TENM2: variants seen among roughly 807,000 people sequenced by gnomAD.
TENM2 encodes teneurin transmembrane protein 2.
TENM2 carries 52 observed loss-of-function variants against 245.2 expected under a neutral mutation model. That is an observed-to-expected ratio of 0.21 (90% CI 0.17 to 0.27). The LOEUF is 0.27. Ranked by LOEUF, TENM2 falls within the 10% of genes least tolerant of loss-of-function variation. The pLI is 1.00. For synonymous variants in TENM2, 1,363 were observed against 1,438.9 expected, an observed-to-expected ratio of 0.95 and a Z score of 1.19; for missense variants, 3,046 against 3,666.8, an observed-to-expected ratio of 0.83 and a Z score of 4.37.
At chr5:167,214,737 G>A in the TENM2 span, among the ~76,000 whole-genome samples, 75 of 152,274 alleles carry the variant, frequency 4.9e-4, no homozygotes, top group African/African-American at 1.6e-3. Flanking sequence ...TTGGAGCAGA[G>A]GAGGAAGACT....
intron 2 of TENM2, among the ~76,000 whole-genome samples, chr5:167,739,150 G>T (rs952938253): frequency 6.6e-5 from 10 of 152,194 alleles, no homozygotes; most frequent in Non-Finnish European, 1.5e-4. Flanking sequence ...AAAAGGACAG[G>T]GTGGCTTTGC....
chr5:167,610,632 G>A (rs535988104), intron 2 of TENM2, among the ~76,000 whole-genome samples: 1 of 152,252 alleles, frequency 6.6e-6, no homozygotes, highest in African/African-American at 2.4e-5. Flanking sequence ...ACTCTTCCAA[G>A]TACTATAATA....
intron 2 of TENM2, among the ~76,000 whole-genome samples, chr5:167,857,346 G>A (rs957736026): frequency 2.0e-5 from 3 of 152,098 alleles, no homozygotes; most frequent in Non-Finnish European, 4.4e-5. Flanking sequence ...TTGCTACAAC[G>A]TCCTTTACCT....
At chr5:168,214,462 T>C (rs1470953499) in intron 20 of TENM2, among the ~76,000 whole-genome samples, 2 of 152,214 alleles carry the variant, frequency 1.3e-5, no homozygotes, top group African/African-American at 4.8e-5. Flanking sequence ...TTCTTTACAC[T>C]AAATGCCAAC....
At chr5:167,763,682 A>T (rs1475045019) in intron 2 of TENM2, among the ~76,000 whole-genome samples, 1 of 152,166 alleles carries the variant, frequency 6.6e-6, no homozygotes, top group African/African-American at 2.4e-5. Context: ...AATAAATGAT[A>T]AATGGCAGTG....
At chr5:167,339,741 CT>C (rs966974851) in intron 1 of TENM2, among the ~76,000 whole-genome samples, 15 of 152,122 alleles carry the variant, frequency 9.9e-5, no homozygotes, top group Admixed American at 2.6e-4. Context: ...TTGAGAGGTG[CT>C]TACCCTCATG....
intron 2 of TENM2, among the ~76,000 whole-genome samples, chr5:167,579,529 A>G (rs2127678273): frequency 6.6e-6 from 1 of 152,240 alleles, no homozygotes; most frequent in African/African-American, 2.4e-5. Flanking sequence ...CATTGACTTC[A>G]GTTCTTCTGA....
At chr5:168,250,281 AGGTAGAGAGAAG>A (rs1307180166) in intron 27 of TENM2, among the ~76,000 whole-genome samples, 1 of 152,044 alleles carries the variant, frequency 6.6e-6, no homozygotes, top group Non-Finnish European at 1.5e-5. Context: ...GTAGGTAGGT[AGGTAGAGAGAAG>A]GGGAGAGAGA....
At position 168,183,235 on chromosome 5, in the gene TENM2, A is replaced by C. The variant is rs757664094; in HGVS notation, c.2570-7102A>C. Among the ~76,000 whole-genome samples, 5 of 152,324 alleles carry C rather than the reference A, an allele frequency of 3.3e-5. No homozygotes were observed. The South Asian group carries it at 1.0e-3, about 32-fold the overall frequency. ...GGCATTTGCATCTATGGGATATCCT[A>C]AGGCCTAACGGCCAGCCCCAGTTCC... On this transcript the variant is annotated intron_variant, in intron 13 of 28. Coordinates refer to ENST00000518659, the Ensembl canonical transcript of TENM2.
the TENM2 span, among the ~76,000 whole-genome samples, chr5:167,162,671 T>C: frequency 1.3e-4 from 19 of 150,056 alleles, no homozygotes; most frequent in South Asian, 2.5e-3. Context: ...TCCTTAGGAC[T>C]GGGGAAAAAA....
the TENM2 span, among the ~76,000 whole-genome samples, chr5:167,216,916 G>A: frequency 6.6e-6 from 1 of 151,082 alleles, no homozygotes; most frequent in Non-Finnish European, 1.5e-5. Context: ...GACAGCGTGA[G>A]ACCCCATCTC....
chr5:167,869,300 G>A (rs762827686), intron 2 of TENM2, among the ~76,000 whole-genome samples: 17 of 152,220 alleles, frequency 1.1e-4, no homozygotes, highest in Non-Finnish European at 2.4e-4. Flanking sequence ...AATGGGTTGG[G>A]TTTCCTTAAT....
chr5:167,364,323 G>C (rs538729445), intron 1 of TENM2, among the ~76,000 whole-genome samples: 5 of 152,030 alleles, frequency 3.3e-5, no homozygotes, highest in Admixed American at 2.0e-4. Context: ...TAGACAAAAA[G>C]CCTAGACAAA....
At chr5:168,216,948 A>T in intron 22 of TENM2, 26 bp downstream of exon 24, 1 of 1,611,668 alleles carries the variant, frequency 6.2e-7, no homozygotes, top group Non-Finnish European at 8.5e-7. Context: ...ATTTCTCTTC[A>T]CTAAGCAACA....
intron 5 of TENM2, among the ~76,000 whole-genome samples, chr5:168,000,357 A>G (rs1784339477): frequency 6.6e-6 from 1 of 152,198 alleles, no homozygotes; most frequent in Non-Finnish European, 1.5e-5. Context: ...TTGCCTTGGT[A>G]GTTAGACAAG....
At chr5:167,552,624 C>T (rs1189782545) in intron 2 of TENM2, among the ~76,000 whole-genome samples, 1 of 152,170 alleles carries the variant, frequency 6.6e-6, no homozygotes, top group Non-Finnish European at 1.5e-5. Flanking sequence ...AGGCAATGCC[C>T]ATCAGCACTG....
chr5:168,065,936 G>A (rs1328910413), intron 7 of TENM2, among the ~76,000 whole-genome samples: 1 of 151,816 alleles, frequency 6.6e-6, no homozygotes, highest in Middle Eastern at 3.4e-3. Context: ...TCCCACCCTG[G>A]AAACATTTTA....
intron 2 of TENM2, among the ~76,000 whole-genome samples, chr5:167,674,113 G>A (rs1482795552): frequency 6.6e-6 from 1 of 152,094 alleles, no homozygotes; most frequent in Non-Finnish European, 1.5e-5. Context: ...CTCTTTAAAA[G>A]AGGAATAAAC....
At chr5:167,206,549 G>A in the TENM2 span, among the ~76,000 whole-genome samples, 1 of 152,130 alleles carries the variant, frequency 6.6e-6, no homozygotes. Context: ...TTAGTTTCAC[G>A]CTTTGCCCAT....
Sources: gnomAD v4.1 joint callset for allele counts (sites outside exome capture counted in the v4.1 genomes callset) on GRCh38, gnomAD v4.1.1 for gene constraint, MANE v1.5 for transcripts, NCBI Gene and HGNC (gene_info 2026-07-23, HGNC 2026-07-21) for gene names.